The following GOLIM4 variants were observed in gnomAD, a reference collection of about 807,000 sequenced individuals.
GOLIM4 encodes the protein 130 kDa golgi-localized phosphoprotein.
In GOLIM4, 71 loss-of-function variants were observed where a neutral mutation model predicts 107.4. The ratio of observed to expected loss-of-function variants is 0.66; its 90% CI spans 0.55 to 0.81. The LOEUF (loss-of-function observed/expected upper bound fraction) is 0.81, where lower values mean the gene tolerates loss of function less well. Ranked by LOEUF, GOLIM4 falls within the 30% of genes least tolerant of loss-of-function variation. The probability of loss-of-function intolerance (pLI) is 0.00; values close to 1 mark genes in which losing one functional copy is unlikely to be tolerated. For synonymous variants in GOLIM4, 327 were observed against 294.8 expected (o/e 1.11, Z -1.12); for missense variants, 830 against 826.1 (o/e 1.00, Z -0.06).
At chr3:168,052,007 G>A (rs946800067) in intron 1 of GOLIM4, among the ~76,000 whole-genome samples, 19 of 152,082 alleles carry the variant, frequency 1.2e-4, no homozygotes, top group African/African-American at 4.6e-4. Context: ...GAGGGAGAGA[G>A]GCAGGTGCTA....
chr3:168,015,115 C>T (rs1347545848), intron 14 of GOLIM4, among the ~76,000 whole-genome samples: 9 of 150,652 alleles, frequency 6.0e-5, no homozygotes, highest in East Asian at 3.9e-4. Context: ...TGTTTGCAGA[C>T]GACATGATTG....
intron 14 of GOLIM4, among the ~76,000 whole-genome samples, chr3:168,017,427 T>G (rs57134928): frequency 6.6e-6 from 1 of 152,292 alleles, no homozygotes; most frequent in African/African-American, 2.4e-5. Flanking sequence ...GAGGTCAAAG[T>G]TGCAGTAAGC....
chr3:168,027,722 A>C lies in GOLIM4; in HGVS notation c.1623+6T>G. 6.5e-7 allele frequency: 1 copy of C among 1,527,466 alleles called. No homozygotes were observed. The highest frequency in any genetic ancestry group is 9.1e-7 in the Non-Finnish European group (1 of 1,101,008). The allele number at this position is 1,527,466 out of a possible 1,614,324, so 94.6% of individuals were successfully genotyped here. A position where few individuals can be genotyped will look rare whatever the true frequency, so the allele number is the denominator to read the frequency against. On this transcript the variant is annotated splice_donor_region_variant and intron_variant, in intron 12 of 15. Coordinates refer to ENST00000470487, the MANE Select transcript of GOLIM4 (RefSeq NM_014498.5). Reference sequence around the variant, plus strand: ...ATGTGTCAGGGGCAGAAGAGAGGATACTTACATCTGCCTCAGATTCTGGGT... The same window carrying C: ...ATGTGTCAGGGGCAGAAGAGAGGATCCTTACATCTGCCTCAGATTCTGGGT...
At chr3:168,079,536 A>G (rs1721237941) in intron 1 of GOLIM4, among the ~76,000 whole-genome samples, 1 of 152,164 alleles carries the variant, frequency 6.6e-6, no homozygotes, top group Non-Finnish European at 1.5e-5. Flanking sequence ...TAATTTGTGC[A>G]CTTTTATGTA....
At chr3:168,032,160 C>T (rs1380256272) in intron 9 of GOLIM4, among the ~76,000 whole-genome samples, 1 of 152,152 alleles carries the variant, frequency 6.6e-6, no homozygotes, top group African/African-American at 2.4e-5. Flanking sequence ...TGAGATTTTT[C>T]TCTGCCTCAA....
chr3:168,076,506 A>C (rs1040852561), intron 1 of GOLIM4, among the ~76,000 whole-genome samples: 2 of 152,254 alleles, frequency 1.3e-5, no homozygotes, highest in Non-Finnish European at 1.5e-5. Context: ...ATCCTGGCCA[A>C]CATGGTGAAA....
chr3:168,027,157 G>C (rs1718038337), intron 12 of GOLIM4, among the ~76,000 whole-genome samples: 1 of 152,168 alleles, frequency 6.6e-6, no homozygotes, highest in Admixed American at 6.5e-5. Flanking sequence ...CTGGTTATTA[G>C]ATGTCTACCT....
chr3:168,015,966 A>G (rs1577501292), intron 14 of GOLIM4, among the ~76,000 whole-genome samples: 2 of 134,308 alleles, frequency 1.5e-5, no homozygotes, highest in South Asian at 4.2e-4. Flanking sequence ...ATTACCATTC[A>G]GGACATAGGC....
rs570049429 is a variant in GOLIM4, at chr3:168,041,262, T to C, written c.600+130A>G. ...AGTGGTAAAAATATTAGGTACACTC[T>C]AGTTAATGCAAAGCCCACAATAACA... On this transcript the variant is annotated intron_variant, in intron 6 of 15. Transcript: ENST00000470487. 5.4e-4 allele frequency: 331 copies of C among 617,512 alleles called. 2 individuals are homozygous for C. In the African/African-American group the frequency reaches 5.5e-3, roughly 10 times the overall value. The allele number at this position is 617,512 out of a possible 1,614,324, so 38.3% of individuals were successfully genotyped here.
chr3:168,061,477 C>G (rs1720267746), intron 1 of GOLIM4, among the ~76,000 whole-genome samples: 1 of 152,042 alleles, frequency 6.6e-6, no homozygotes, highest in Non-Finnish European at 1.5e-5. Flanking sequence ...TGTACCCAAC[C>G]CAGTACTTGA....
chr3:168,087,700 T>C (rs1369592278), intron 1 of GOLIM4, among the ~76,000 whole-genome samples: 1 of 152,202 alleles, frequency 6.6e-6, no homozygotes, highest in African/African-American at 2.4e-5. Flanking sequence ...AGGGCAATGA[T>C]GCACTATGGA....
chr3:168,068,687 A>T (rs940294076), intron 1 of GOLIM4, among the ~76,000 whole-genome samples: 6 of 152,028 alleles, frequency 3.9e-5, no homozygotes, highest in African/African-American at 1.4e-4. Context: ...AACAACTTAG[A>T]TTTTAAAAAA....
At chr3:168,010,677 T>A in intron 15 of GOLIM4, 66 bp downstream of exon 15, 1 of 1,145,046 alleles carries the variant, frequency 8.7e-7, no homozygotes, top group East Asian at 2.3e-5. Flanking sequence ...TACATATATC[T>A]CTCCTATACA....
chr3:168,037,052 G>C (rs1718692244), intron 7 of GOLIM4, 58 bp from the exon 8 acceptor site: 2 of 1,145,178 alleles, frequency 1.7e-6, no homozygotes, highest in Non-Finnish European at 2.6e-6. Flanking sequence ...TCATAGATGG[G>C]CATTTGGGTA....
Position 168,048,348 on chromosome 3 carries a change from ATC to A in GOLIM4, c.203_204del (p.Arg68IlefsTer13). 1 of 1,530,918 alleles carries A rather than the reference ATC, an allele frequency of 6.5e-7. No individual in the cohort carries two copies. The highest frequency in any genetic ancestry group is 9.0e-7 in the Non-Finnish European group (1 of 1,112,708). 94.8% of individuals were successfully genotyped at this position (1,530,918 alleles called of 1,614,324 possible). ...SAQLQVVYEH[R>X]SRLEKSLQKE... is the part of the protein sequence containing the mutation. ...TTTTGCAAGGATTTCTCTAATCTTGATCTGTGTTCATATACAACTGGAAAAAA... is the reference window on the plus strand; with the variant it reads ...TTTTGCAAGGATTTCTCTAATCTTGATGTGTTCATATACAACTGGAAAAAA... On this transcript the variant is annotated frameshift_variant, in exon 2 of 16. Transcript: ENST00000470487. LOFTEE classifies it high-confidence loss of function.
intron 1 of GOLIM4, among the ~76,000 whole-genome samples, chr3:168,049,386 A>C (rs1181009411): frequency 1.3e-5 from 2 of 152,238 alleles, no homozygotes; most frequent in African/African-American, 4.8e-5. Flanking sequence ...AGTGAAGCAA[A>C]CAAGTTTGTC....
chr3:168,040,184 C>A (rs139947657), intron 7 of GOLIM4, among the ~76,000 whole-genome samples: 99 of 152,286 alleles, frequency 6.5e-4, no homozygotes, highest in African/African-American at 2.3e-3. Flanking sequence ...AGCTCTCCAA[C>A]ACTTGTATTT....
intron 2 of GOLIM4, among the ~76,000 whole-genome samples, chr3:168,048,009 G>C (rs1460262054): frequency 6.8e-6 from 1 of 147,216 alleles, no homozygotes; most frequent in Admixed American, 6.8e-5. Flanking sequence ...CGTTTAATAT[G>C]CAGATGAAAA....
intron 1 of GOLIM4, among the ~76,000 whole-genome samples, chr3:168,066,814 G>A (rs1720570598): frequency 6.6e-6 from 1 of 151,938 alleles, no homozygotes; most frequent in Non-Finnish European, 1.5e-5. Context: ...CATGCACAAT[G>A]CTTAAAATGC....
Sources: gnomAD v4.1 joint callset for allele counts (sites outside exome capture counted in the v4.1 genomes callset) on GRCh38, gnomAD v4.1.1 for gene constraint, MANE v1.5 for transcripts, NCBI Gene and HGNC (gene_info 2026-07-23, HGNC 2026-07-21) for gene names.